Variants in SASH1 observed in about 807,000 individuals in gnomAD.
SASH1 encodes SAM and SH3 domain containing 1, also known as SAM and SH3 domain-containing protein 1.
SASH1 carries 44 observed loss-of-function variants against 125.2 expected under a neutral mutation model. That is an observed-to-expected ratio of 0.35 (90% CI 0.28 to 0.45). The LOEUF (loss-of-function observed/expected upper bound fraction) is 0.45, where lower values mean the gene tolerates loss of function less well. Ranked by LOEUF, SASH1 falls within the 20% of genes least tolerant of loss-of-function variation. SASH1 has a pLI of 1.00. For missense variants in SASH1, 1,426 were observed against 1,614.5 expected, an observed-to-expected ratio of 0.88 and a Z score of 2.00; for synonymous variants, 639 against 649.1, an observed-to-expected ratio of 0.98 and a Z score of 0.24.
chr6:148,374,840 G>T (rs1782830588), intron 1 of SASH1, among the ~76,000 whole-genome samples: 1 of 152,248 alleles, frequency 6.6e-6, no homozygotes, highest in Admixed American at 6.5e-5. Flanking sequence ...GGGATTACAG[G>T]TGCTTGCCAC....
chr6:148,517,995 T>C (rs929537991), intron 9 of SASH1, among the ~76,000 whole-genome samples: 7 of 152,208 alleles, frequency 4.6e-5, no homozygotes, highest in African/African-American at 1.4e-4. Context: ...ATGGTTGGGC[T>C]GCCCCTGCCA....
chr6:148,513,823 A>G, intron 8 of SASH1: 1 of 986,220 alleles, frequency 1.0e-6, no homozygotes, highest in Non-Finnish European at 1.2e-6. Context: ...GGCTGTTTGC[A>G]TCTCTTTCCC....
chr6:148,313,667 T>C (rs780760202), intron 1 of SASH1, among the ~76,000 whole-genome samples: 1 of 152,108 alleles, frequency 6.6e-6, no homozygotes, highest in African/African-American at 2.4e-5. Flanking sequence ...GTAGAGCAGA[T>C]GGCATGTCAT....
chr6:148,304,533 C>T (rs564575402), intron 1 of SASH1, among the ~76,000 whole-genome samples: 4 of 151,556 alleles, frequency 2.6e-5, no homozygotes, highest in East Asian at 1.9e-4. Flanking sequence ...TTGCTCGAAC[C>T]GGGGAGGCAG....
intron 4 of SASH1, among the ~76,000 whole-genome samples, chr6:148,446,088 CTTTTTTTT>C (rs576798745): frequency 4.2e-5 from 3 of 71,002 alleles, no homozygotes; most frequent in African/African-American, 1.6e-4. Flanking sequence ...ACATAGGGTT[CTTTTTTTT>C]TTTTTTTTTT....
chr6:148,371,618 CT>C (rs750369372), intron 1 of SASH1, among the ~76,000 whole-genome samples: 1 of 152,010 alleles, frequency 6.6e-6, no homozygotes, highest in Admixed American at 6.6e-5. Flanking sequence ...CAGGTCCCCA[CT>C]GCCACTCTTG....
chr6:148,533,729 G>T lies in SASH1; in HGVS notation c.1735-42G>T. ...ACAGATTCTTGATTTGTACGTTCATGGAATGTACCTAATGGAAAGATCTTT... is the reference window on the plus strand; with the variant it reads ...ACAGATTCTTGATTTGTACGTTCATTGAATGTACCTAATGGAAAGATCTTT... On this transcript the variant is annotated intron_variant, in intron 14 of 19. Coordinates refer to ENST00000367467, the MANE Select transcript of SASH1 (RefSeq NM_015278.5). The surrounding 1 kb of genome is among the most constrained non-coding windows in gnomAD (Gnocchi z 6.2). 1 of 1,539,146 alleles carries T rather than the reference G, an allele frequency of 6.5e-7. No individual in the cohort carries two copies.
At chr6:148,196,962 T>C in the SASH1 span, among the ~76,000 whole-genome samples, 1 of 152,172 alleles carries the variant, frequency 6.6e-6, no homozygotes, top group Non-Finnish European at 1.5e-5. Flanking sequence ...GGTGACAGGA[T>C]ACTGCTGAGT....
intron 4 of SASH1, among the ~76,000 whole-genome samples, chr6:148,444,702 G>A (rs535562396): frequency 4.6e-5 from 7 of 152,280 alleles, no homozygotes; most frequent in Non-Finnish European, 1.0e-4. Flanking sequence ...GAGACTATCT[G>A]TTACTGGAAG....
rs762930384 is a variant in SASH1, at chr6:148,488,598, C to T, written c.729+883C>T. On this transcript the variant is annotated intron_variant, in intron 8 of 19. Transcript: ENST00000367467. ...ATATGTTTTCTCACAGTAGCTGTAT[C>T]GTTTTACCTTCCTGCCAACAATGTA... 1.3e-3 allele frequency among the ~76,000 whole-genome samples: 193 copies of T among 152,326 alleles called. 4 individuals carry two copies. The highest frequency in any genetic ancestry group is 4.3e-4 in the Non-Finnish European group (29 of 68,018).
intron 9 of SASH1, 136 bp downstream of exon 9, chr6:148,514,592 C>T (rs1480575805): frequency 9.0e-7 from 1 of 1,112,532 alleles, no homozygotes; most frequent in African/African-American, 1.6e-5. Context: ...CTGGCTGAAT[C>T]TGGCAGGACT....
chr6:148,541,506 CTGTG>C (rs145143710), intron 17 of SASH1, among the ~76,000 whole-genome samples: 5 of 151,746 alleles, frequency 3.3e-5, no homozygotes, highest in South Asian at 2.1e-4. Context: ...TCAGTTATGT[CTGTG>C]TGTGTGTTTG....
intron 4 of SASH1, among the ~76,000 whole-genome samples, chr6:148,456,185 C>G (rs1777335817): frequency 6.6e-6 from 1 of 152,204 alleles, no homozygotes; most frequent in African/African-American, 2.4e-5. Context: ...CTGCCCTACT[C>G]CCTTCCCCAC....
At chr6:148,255,493 G>A in the SASH1 span, among the ~76,000 whole-genome samples, 27 of 152,212 alleles carry the variant, frequency 1.8e-4, no homozygotes, top group South Asian at 5.4e-3. Context: ...ATGAATTTGG[G>A]GGAAATACAA....
chr6:148,236,711 C>A, the SASH1 span, among the ~76,000 whole-genome samples: 13 of 152,108 alleles, frequency 8.5e-5, no homozygotes, highest in Admixed American at 8.5e-4. Flanking sequence ...AGCAAGGGGG[C>A]CCACAGACAG....
At chr6:148,279,233 C>T (rs925718107) in intron 1 of SASH1, among the ~76,000 whole-genome samples, 3 of 152,100 alleles carry the variant, frequency 2.0e-5, no homozygotes, top group Admixed American at 6.6e-5. Flanking sequence ...TCAAGCAATC[C>T]GCCTACCTCG....
At chr6:148,307,086 TTCTTTCTTTC>T (rs1434019127) in intron 1 of SASH1, among the ~76,000 whole-genome samples, 7 of 120,986 alleles carry the variant, frequency 5.8e-5, no homozygotes, top group Non-Finnish European at 8.7e-5. Context: ...CTTTCTTTCT[TTCTTTCTTTC>T]TCTCTCTCTG....
At chr6:148,256,918 G>A in the SASH1 span, among the ~76,000 whole-genome samples, 1 of 152,168 alleles carries the variant, frequency 6.6e-6, no homozygotes, top group African/African-American at 2.4e-5. Flanking sequence ...CTGGGTTGAT[G>A]AGAGCTTTGG....
Position 148,471,412 on chromosome 6 carries a change from T to G in SASH1, c.428-5T>G. On this transcript the variant is annotated splice_region_variant and splice_polypyrimidine_tract_variant and intron_variant, in intron 5 of 19. Coordinates refer to ENST00000367467, the MANE Select transcript of SASH1 (RefSeq NM_015278.5). ...TTTTTTTTTTTTTTTTTTTTTTTTTTTAAGGAAAAGGAGACTGGAAGAAGA... is the reference window on the plus strand; with the variant it reads ...TTTTTTTTTTTTTTTTTTTTTTTTTGTAAGGAAAAGGAGACTGGAAGAAGA... 4 of 1,098,572 alleles carry G rather than the reference T, an allele frequency of 3.6e-6. No homozygotes were observed. The highest frequency in any genetic ancestry group is 3.8e-6 in the Non-Finnish European group (3 of 789,202). 68.1% of individuals were successfully genotyped at this position (1,098,572 alleles called of 1,614,324 possible).
Sources: allele counts gnomAD v4.1 joint callset (sites outside exome capture counted in the v4.1 genomes callset), GRCh38; gene constraint gnomAD v4.1.1; non-coding constraint Gnocchi (gnomAD v3.1); transcripts MANE v1.5; gene names NCBI Gene and HGNC (gene_info 2026-07-23, HGNC 2026-07-21).